The following ROCK2 variants were observed in gnomAD, a reference collection of about 807,000 sequenced individuals.
ROCK2 encodes rho-associated protein kinase 2.
Under a neutral mutation model 195.1 loss-of-function variants are expected in ROCK2, and 61 were observed. The observed-to-expected ratio is 0.31, with a 90% CI of 0.25 to 0.39. ROCK2 has a LOEUF of 0.39. Ranked by LOEUF, ROCK2 falls within the 10% of genes least tolerant of loss-of-function variation. The probability of loss-of-function intolerance (pLI) is 1.00; values close to 1 mark genes in which losing one functional copy is unlikely to be tolerated. For missense variants in ROCK2, 1,109 were observed against 1,637.4 expected (o/e 0.68, Z 5.57); for synonymous variants, 504 against 545.5 (o/e 0.92, Z 1.06).
chr2:11,310,725 GAAGA>G (rs533921097), intron 1 of ROCK2, among the ~76,000 whole-genome samples: 5 of 151,856 alleles, frequency 3.3e-5, no homozygotes, highest in Admixed American at 6.6e-5. Context: ...AAGCTCAATT[GAAGA>G]AAGAATCATA....
At chr2:11,251,598 G>C (rs1024236514) in intron 3 of ROCK2, among the ~76,000 whole-genome samples, 2 of 152,204 alleles carry the variant, frequency 1.3e-5, no homozygotes, top group African/African-American at 4.8e-5. Context: ...CAGGACACAA[G>C]CATGGGCAAA....
chr2:11,183,211 C>A lies in ROCK2; in HGVS notation c.*226G>T. 2.2e-6 allele frequency: 1 copy of A among 449,124 alleles called. No homozygotes were observed. The highest frequency in any genetic ancestry group is 4.1e-6 in the Non-Finnish European group (1 of 246,148). 27.8% of individuals were successfully genotyped at this position (449,124 alleles called of 1,614,324 possible). On this transcript the variant is annotated 3_prime_UTR_variant, in exon 33 of 33. Coordinates refer to ENST00000315872, the MANE Select transcript of ROCK2 (RefSeq NM_004850.5). The stretch of plus-strand genomic sequence containing the variant: ...AAAGTCTGGAAGAGTTGCATATATC[C>A]TTAGTCTATCAACCAATCATTGTTG...
chr2:11,259,767 A>AT (rs947758031), intron 3 of ROCK2, among the ~76,000 whole-genome samples: 1 of 151,360 alleles, frequency 6.6e-6, no homozygotes, highest in Non-Finnish European at 1.5e-5. Flanking sequence ...TGTAAAAAAA[A>AT]TTTTTTGAAA....
At chr2:11,279,447 A>C (rs1356082447) in intron 3 of ROCK2, among the ~76,000 whole-genome samples, 1 of 152,254 alleles carries the variant, frequency 6.6e-6, no homozygotes. Flanking sequence ...GCATTACATA[A>C]CTGATAAAAG....
At chr2:11,290,040 TCTTA>T (rs1246149572) in intron 1 of ROCK2, among the ~76,000 whole-genome samples, 1 of 152,230 alleles carries the variant, frequency 6.6e-6, no homozygotes, top group South Asian at 2.1e-4. Flanking sequence ...AAACTTACAT[TCTTA>T]CTTGAGGCCT....
intron 20 of ROCK2, 62 bp from the exon 21 acceptor site, chr2:11,202,183 A>T: frequency 1.5e-6 from 2 of 1,367,152 alleles, no homozygotes; most frequent in South Asian, 2.3e-5. Flanking sequence ...AGCAGCTCTC[A>T]AAGTATGGTC....
chr2:11,275,603 T>C (rs554354465), intron 3 of ROCK2, among the ~76,000 whole-genome samples: 9 of 152,024 alleles, frequency 5.9e-5, no homozygotes, highest in Admixed American at 1.3e-4. Context: ...TGCAAATCAA[T>C]CGCTGTATTA....
chr2:11,216,075 G>T (rs1042317381), intron 13 of ROCK2, 83 bp downstream of exon 13: 2 of 1,047,084 alleles, frequency 1.9e-6, no homozygotes, highest in African/African-American at 1.6e-5. Flanking sequence ...TATTACTATG[G>T]TACCAAGAGA....
intron 1 of ROCK2, among the ~76,000 whole-genome samples, chr2:11,300,899 T>A (rs1667681919): frequency 6.6e-6 from 1 of 151,892 alleles, no homozygotes; most frequent in African/African-American, 2.4e-5. Flanking sequence ...AGAAAGTGAG[T>A]ATTGTGATTT....
chr2:11,180,339 T>C lies in ROCK2; in HGVS notation c.*3098A>G, dbSNP rs78403551. The stretch of plus-strand genomic sequence containing the variant: ...GATCTATATATAAATGGATGCAAAA[T>C]AGATACTTTAGAGCCAGATTCATGT... On this transcript the variant is annotated 3_prime_UTR_variant, in exon 33 of 33. Coordinates refer to ENST00000315872, the MANE Select transcript of ROCK2 (RefSeq NM_004850.5). 13 of 152,280 alleles carry C rather than the reference T, an allele frequency of 8.5e-5. No individual in the cohort carries two copies. The highest frequency in any genetic ancestry group is 3.1e-4 in the African/African-American group (13 of 41,568). The allele number at this position is 152,280 out of a possible 1,614,324, so 9.4% of individuals were successfully genotyped here. A position where few individuals can be genotyped will look rare whatever the true frequency, so the allele number is the denominator to read the frequency against.
chr2:11,221,155 G>T (rs1664624596), intron 9 of ROCK2, 43 bp downstream of exon 9: 4 of 1,413,068 alleles, frequency 2.8e-6, no homozygotes, highest in Non-Finnish European at 3.8e-6. Context: ...CTTATAGCTA[G>T]ATTCTAAAAA....
chr2:11,296,011 A>AGGGG (rs1256824530), intron 1 of ROCK2, among the ~76,000 whole-genome samples: 54 of 85,426 alleles, frequency 6.3e-4, no homozygotes, highest in East Asian at 2.1e-3. Context: ...GAGAGGAGAG[A>AGGGG]GAGAGAGAGA....
chr2:11,334,421 G>A (rs1432293729), intron 1 of ROCK2, among the ~76,000 whole-genome samples: 1 of 148,774 alleles, frequency 6.7e-6, no homozygotes, highest in East Asian at 2.0e-4. Context: ...AGAGGCAGGG[G>A]AATCCCTTGA....
chr2:11,257,548 G>T (rs924284125), intron 3 of ROCK2, among the ~76,000 whole-genome samples: 2 of 151,424 alleles, frequency 1.3e-5, no homozygotes, highest in African/African-American at 4.9e-5. Flanking sequence ...TCTTCGAGTT[G>T]CTGCTGTTCT....
At chr2:11,345,024 G>T (rs1471161976), upstream of ROCK2, among the ~76,000 whole-genome samples, 1 of 150,456 alleles carries the variant, frequency 6.6e-6, no homozygotes, top group Non-Finnish European at 1.5e-5. Flanking sequence ...GGGGGAGCCC[G>T]GCCGCGCCCC....
Position 11,327,765 on chromosome 2 carries a change from G to A in ROCK2, c.141+16231C>T, listed in dbSNP as rs576457359. 4.9e-4 allele frequency among the ~76,000 whole-genome samples: 75 copies of A among 152,290 alleles called. 1 individual carries two copies. Among genetic ancestry groups the A allele is most frequent in the Non-Finnish European group, 1.6e-4 (11 of 68,030 alleles). ...TTTTGTAGAGACAGGGTTTCACTGTGTTGCCCAGGCTGGTCTCCAACTCCT... is the reference window on the plus strand; with the variant it reads ...TTTTGTAGAGACAGGGTTTCACTGTATTGCCCAGGCTGGTCTCCAACTCCT... On this transcript the variant is annotated intron_variant, in intron 1 of 32. Coordinates refer to ENST00000315872, the MANE Select transcript of ROCK2 (RefSeq NM_004850.5).
In ROCK2 at chr2:11,224,359, G is replaced by A; in HGVS notation, c.970C>T (p.His324Tyr). 1 of 1,613,354 alleles carries A rather than the reference G, an allele frequency of 6.2e-7. No individual in the cohort carries two copies. The highest frequency in any genetic ancestry group is 1.1e-5 in the South Asian group (1 of 91,030). ...CFPEDAEISK[H>Y]AKNLICAFLT... ...AAAGCACAGATGAGATTCTTTGCAT[G>A]TTTGGAAATTTCTGCATCTTCAGGG... The change falls in exon 7 of 33, where the codon CAT (histidine) becomes TAT (tyrosine). Residue 324 changes from histidine to tyrosine, a missense_variant. His to Tyr is a moderately conservative substitution (Grantham distance 83). This residue lies in a region of ROCK2 where 253 missense variants were observed against 455.5 expected (regional missense o/e 0.56). Coordinates refer to ENST00000315872, the MANE Select transcript of ROCK2 (RefSeq NM_004850.5).
intron 6 of ROCK2, among the ~76,000 whole-genome samples, chr2:11,225,264 A>G (rs898267235): frequency 2.6e-5 from 4 of 152,184 alleles, no homozygotes; most frequent in African/African-American, 9.6e-5. Flanking sequence ...AGCTAAAGCC[A>G]CAAGTGTTAC....
intron 1 of ROCK2, among the ~76,000 whole-genome samples, chr2:11,317,613 T>TA (rs1553317465): frequency 0.071 from 1,419 of 20,036 alleles, 44 homozygotes; most frequent in African/African-American, 0.089. Context: ...TATATATATA[T>TA]TTTTTTTTTT....
Sources: gnomAD v4.1 joint callset for allele counts (sites outside exome capture counted in the v4.1 genomes callset) on GRCh38, gnomAD v4.1.1 for gene constraint, gnomAD v4.1.1 regional missense constraint, MANE v1.5 for transcripts, NCBI Gene and HGNC (gene_info 2026-07-23, HGNC 2026-07-21) for gene names.